Variants in IQGAP1 observed in about 807,000 individuals in gnomAD.
The protein encoded by IQGAP1 is ras GTPase-activating-like protein IQGAP1.
A neutral mutation model predicts 215.6 loss-of-function variants in IQGAP1; 66 were observed. The observed-to-expected ratio is 0.31, with a 90% CI of 0.25 to 0.38. The LOEUF is 0.38. IQGAP1 is among the 10% of genes least tolerant of loss of function. IQGAP1 has a pLI of 1.00. For synonymous variants in IQGAP1, 772 were observed against 728.7 expected (o/e 1.06, Z -0.96); for missense variants, 1,712 against 1,997.1 (o/e 0.86, Z 2.72).
intron 9 of IQGAP1, among the ~76,000 whole-genome samples, chr15:90,445,271 T>C (rs1398786323): frequency 6.6e-6 from 1 of 151,856 alleles, no homozygotes; most frequent in Non-Finnish European, 1.5e-5. Context: ...TACGAGATAG[T>C]GTATGTAAAT....
At position 90,453,185 on chromosome 15, in the gene IQGAP1, G is replaced by T. The variant is rs1965630435; in HGVS notation, c.1380G>T (p.Val460=). ...LSVAVEMLSS[V]ALINRALESG... is the part of the protein sequence containing the mutation. ...TCGCAGTGGAGATGTTGTCATCGGT[G>T]GCCCTGATCAACAGGGCATTGGAAT... The change falls in exon 13 of 38, where the codon GTG becomes GTT. Residue 460 remains valine (V), a synonymous_variant. Transcript: ENST00000268182. The T allele has an allele frequency of 6.2e-7, 1 of 1,613,776 alleles. No individual in the cohort carries two copies. Among genetic ancestry groups the T allele is most frequent in the South Asian group, 1.1e-5 (1 of 91,068 alleles).
chr15:90,441,467 A>C, intron 7 of IQGAP1, 39 bp from the exon 8 acceptor site: 1 of 1,534,242 alleles, frequency 6.5e-7, no homozygotes, highest in Non-Finnish European at 8.9e-7. Flanking sequence ...ATATAATCTC[A>C]GTGTTTTTGT....
intron 2 of IQGAP1, among the ~76,000 whole-genome samples, chr15:90,393,278 C>T (rs1964662960): frequency 6.6e-6 from 1 of 152,014 alleles, no homozygotes; most frequent in Non-Finnish European, 1.5e-5. Context: ...TATAAAATGG[C>T]ATAGTATTTG....
At chr15:90,485,472 C>T (rs1001721082) in intron 30 of IQGAP1, among the ~76,000 whole-genome samples, 1 of 152,160 alleles carries the variant, frequency 6.6e-6, no homozygotes, top group South Asian at 2.1e-4. Flanking sequence ...TGGAGTCTTG[C>T]TCTGTCACTC....
intron 9 of IQGAP1, among the ~76,000 whole-genome samples, chr15:90,444,837 A>C (rs2151020780): frequency 6.6e-6 from 1 of 152,272 alleles, no homozygotes; most frequent in South Asian, 2.1e-4. Flanking sequence ...CATTCTGTAC[A>C]TTTTATGACT....
intron 14 of IQGAP1, 116 bp from the exon 15 acceptor site, chr15:90,456,036 G>C: frequency 1.2e-6 from 1 of 828,488 alleles, no homozygotes. Context: ...GTAAGTTGCA[G>C]TTTGAATCAT....
rs144767037 is a variant in IQGAP1 at position 90,404,103 on chromosome 15, A to G, written c.155+13230A>G. Among the ~76,000 whole-genome samples, 469 of 152,308 alleles carry G rather than the reference A, an allele frequency of 3.1e-3. 3 individuals carry two copies. Among genetic ancestry groups the G allele is most frequent in the Middle Eastern group, 6.8e-3 (2 of 294 alleles). On this transcript the variant is annotated intron_variant, in intron 2 of 37. Transcript: ENST00000268182. ...TTTTCTCCTCAGCTTTTGCTGTTAT[A>G]AAAAGTCACTTTGTAGGTATGCCAT...
rs996039208 is a variant in IQGAP1 at position 90,440,630 on chromosome 15, A to G, written c.649+15A>G. The G allele has an allele frequency of 1.3e-6, 2 of 1,509,482 alleles. No individual in the cohort carries two copies. Among genetic ancestry groups the G allele is most frequent in the Non-Finnish European group, 1.8e-6 (2 of 1,107,878 alleles). The allele number at this position is 1,509,482 out of a possible 1,614,324, so 93.5% of individuals were successfully genotyped here. On this transcript the variant is annotated intron_variant, in intron 7 of 37. Transcript: ENST00000268182. ...TGAAGCCGCATGTAAGAAGAGAGAA[A>G]TTTTGTGGGTTCAACTGGGATTGTT...
chr15:90,406,689 G>C (rs902669487), intron 2 of IQGAP1, among the ~76,000 whole-genome samples: 1 of 152,180 alleles, frequency 6.6e-6, no homozygotes, highest in Non-Finnish European at 1.5e-5. Flanking sequence ...TCAGTGATGT[G>C]TCAGTGAAGT....
intron 15 of IQGAP1, among the ~76,000 whole-genome samples, chr15:90,465,673 G>T (rs8033297): frequency 0.1 from 3,450 of 34,600 alleles, 106 homozygotes; most frequent in East Asian, 0.46. Context: ...GCCAAGCTAT[G>T]TTTGTTTGTT....
At position 90,477,817 on chromosome 15, in the gene IQGAP1, A is replaced by G. The variant is rs1966002002; in HGVS notation, c.3257A>G (p.Asn1086Ser). Reference sequence around the variant, plus strand: ...GAAATTATGGATGACAAATCTCTCAACATCAAAACTGACCCTGTGGATATT... The same window carrying G: ...GAAATTATGGATGACAAATCTCTCAGCATCAAAACTGACCCTGTGGATATT... ...VKEIMDDKSLNIKTDPVDIYK... is the reference protein window; with the variant it reads ...VKEIMDDKSLSIKTDPVDIYK... Residue 1086 changes from asparagine (N) to serine (S), a missense_variant, in exon 26 of 38, where the codon AAC (asparagine) becomes AGC (serine). Physicochemically the swap from Asn to Ser is conservative, Grantham distance 46. This residue lies in a region of IQGAP1 where 691 missense variants were observed against 923.0 expected (regional missense o/e 0.75). Coordinates refer to ENST00000268182, the MANE Select transcript of IQGAP1 (RefSeq NM_003870.4). 6.2e-7 allele frequency: 1 copy of G among 1,614,100 alleles called. No homozygotes were observed. The highest frequency in any genetic ancestry group is 8.5e-7 in the Non-Finnish European group (1 of 1,180,000).
intron 2 of IQGAP1, among the ~76,000 whole-genome samples, chr15:90,424,197 A>T (rs1965188332): frequency 6.6e-6 from 1 of 152,154 alleles, no homozygotes; most frequent in South Asian, 2.1e-4. Flanking sequence ...AGCAGTAAAA[A>T]GATGAGATGT....
intron 15 of IQGAP1, among the ~76,000 whole-genome samples, chr15:90,457,595 A>ATTT (rs34550575): frequency 8.4e-5 from 11 of 131,356 alleles, no homozygotes; most frequent in Non-Finnish European, 1.1e-4. Flanking sequence ...CCTGGCTAAA[A>ATTT]TTTTTTTTTT....
At chr15:90,440,834 C>T (rs528238804) in intron 7 of IQGAP1, among the ~76,000 whole-genome samples, 126 of 152,298 alleles carry the variant, frequency 8.3e-4, no homozygotes, top group African/African-American at 2.9e-3. Context: ...CCTGGCTGGG[C>T]GTGGTGGCTC....
At position 90,426,180 on chromosome 15, in the gene IQGAP1, G is replaced by T. The variant is rs754739412; in HGVS notation, c.226G>T (p.Val76Phe). Residue 76 changes from valine (V) to phenylalanine (F), a missense_variant, in exon 3 of 38, where the codon GTC becomes TTC. Around this residue, in one of 2 missense-constraint regions of IQGAP1, gnomAD observed 1,021 missense variants for 1,074.2 expected, o/e 0.95. Transcript: ENST00000268182. Reference sequence around the variant, plus strand: ...ACTGGAGGAGGGGCTTAGGAATGGGGTCTACCTTGCCAAACTGGGGAACTT... The same window carrying T: ...ACTGGAGGAGGGGCTTAGGAATGGGTTCTACCTTGCCAAACTGGGGAACTT... ...TELEEGLRNG[V>F]YLAKLGNFFS... 1 of 1,601,614 alleles carries T rather than the reference G, an allele frequency of 6.2e-7. No homozygotes were observed. Among genetic ancestry groups the T allele is most frequent in the South Asian group, 1.1e-5 (1 of 89,528 alleles).
chr15:90,412,659 G>A (rs139267966), intron 2 of IQGAP1, among the ~76,000 whole-genome samples: 132 of 152,262 alleles, frequency 8.7e-4, no homozygotes, highest in Middle Eastern at 6.8e-3. Flanking sequence ...ATTACCATAT[G>A]GAAATTTCTA....
At chr15:90,393,395 GA>G in intron 2 of IQGAP1, 1 of 152,116 alleles carries the variant, frequency 6.6e-6, no homozygotes, top group South Asian at 2.1e-4. Flanking sequence ...TATCATACCT[GA>G]TCCAATGTAA....
intron 23 of IQGAP1, among the ~76,000 whole-genome samples, chr15:90,475,486 C>A (rs2151032941): frequency 6.6e-6 from 1 of 152,018 alleles, no homozygotes; most frequent in South Asian, 2.1e-4. Context: ...CATGATGGCT[C>A]ACACCTATAA....
intron 23 of IQGAP1, among the ~76,000 whole-genome samples, chr15:90,475,509 G>A (rs111301403): frequency 0.034 from 5,135 of 152,054 alleles, 248 homozygotes; most frequent in African/African-American, 0.11. Flanking sequence ...CCAGCACTTT[G>A]GGAGGCCGAG....
Sources: allele counts gnomAD v4.1 joint callset (sites outside exome capture counted in the v4.1 genomes callset), GRCh38; gene constraint gnomAD v4.1.1; regional missense constraint gnomAD v4.1.1; transcripts MANE v1.5; gene names NCBI Gene and HGNC (gene_info 2026-07-23, HGNC 2026-07-21).